The following FGF2 variants were observed in gnomAD, a reference collection of about 807,000 sequenced individuals.
FGF2 encodes the protein basic fibroblast growth factor bFGF.
In FGF2, 13 loss-of-function variants were observed where a neutral mutation model predicts 15.9. The ratio of observed to expected loss-of-function variants is 0.82; its 90% CI spans 0.53 to 1.30. The LOEUF is 1.30. Ranked by LOEUF, FGF2 falls within the 50% of genes most tolerant of loss-of-function variation. The pLI, the probability that FGF2 is intolerant of heterozygous loss-of-function variation, is 0.00. For missense variants in FGF2, 163 were observed against 196.9 expected (o/e 0.83, Z 1.03); for synonymous variants, 90 against 78.4 (o/e 1.15, Z -0.78).
chr4:122,853,719 A>G (rs1726280559), intron 1 of FGF2, among the ~76,000 whole-genome samples: 1 of 152,190 alleles, frequency 6.6e-6, no homozygotes, highest in South Asian at 2.1e-4. Flanking sequence ...TGTTACTGGA[A>G]TGGTGCGAGG....
intron 1 of FGF2, among the ~76,000 whole-genome samples, chr4:122,862,367 G>A (rs765659047): frequency 6.6e-6 from 1 of 152,048 alleles, no homozygotes; most frequent in Non-Finnish European, 1.5e-5. Flanking sequence ...CATCATCCTG[G>A]GGCATATACA....
chr4:122,835,876 T>C (rs80050313), intron 1 of FGF2, among the ~76,000 whole-genome samples: 6,510 of 152,310 alleles, frequency 0.043, 185 homozygotes, highest in Middle Eastern at 0.12. Context: ...TAACGATTAC[T>C]GTCACAATGA....
chr4:122,870,991 T>C (rs529305284), intron 1 of FGF2, among the ~76,000 whole-genome samples: 95 of 152,328 alleles, frequency 6.2e-4, no homozygotes, highest in African/African-American at 2.2e-3. Context: ...AATACTGCTT[T>C]AGCTGTGTCT....
At chr4:122,891,083 C>CA (rs1253349685) in intron 2 of FGF2, among the ~76,000 whole-genome samples, 11 of 148,082 alleles carry the variant, frequency 7.4e-5, no homozygotes, top group Admixed American at 1.4e-4. Context: ...CTGTGTCTCC[C>CA]AGGTTGGAGT....
Position 122,857,219 on chromosome 4 carries a change from C to G in FGF2, c.179-19102C>G, listed in dbSNP as rs183640456. ...GTCCTCAGTGGCAGAGCATTTCTAG[C>G]CTTTCCGTGATGCTCAGATAGTCAG... is the stretch of plus-strand genomic sequence containing the variant. On this transcript the variant is annotated intron_variant, in intron 1 of 2. Transcript: ENST00000644866. Among the ~76,000 whole-genome samples, 794 of 151,508 alleles carry G rather than the reference C, an allele frequency of 5.2e-3. 7 individuals carry two copies. Among genetic ancestry groups the G allele is most frequent in the African/African-American group, 0.019 (766 of 40,938 alleles).
At chr4:122,876,755 A>C (rs1726857136) in intron 2 of FGF2, among the ~76,000 whole-genome samples, 1 of 152,234 alleles carries the variant, frequency 6.6e-6, no homozygotes, top group Non-Finnish European at 1.5e-5. Context: ...TTTGAAGATC[A>C]TTGGGAATAA....
At chr4:122,849,564 A>C (rs1029711913) in intron 1 of FGF2, among the ~76,000 whole-genome samples, 1 of 152,148 alleles carries the variant, frequency 6.6e-6, no homozygotes, top group South Asian at 2.1e-4. Context: ...ACAAACCTGC[A>C]CGTTCTGCAC....
At chr4:122,831,831 A>G (rs926781296) in intron 1 of FGF2, among the ~76,000 whole-genome samples, 2 of 152,212 alleles carry the variant, frequency 1.3e-5, no homozygotes, top group African/African-American at 4.8e-5. Flanking sequence ...AAGTATTCTC[A>G]TTTTGATTTA....
chr4:122,852,991 T>C (rs567563006), intron 1 of FGF2, among the ~76,000 whole-genome samples: 26 of 152,208 alleles, frequency 1.7e-4, no homozygotes, highest in Non-Finnish European at 3.5e-4. Flanking sequence ...TATCTTGCTC[T>C]GCACCATTTA....
rs78817018 is a variant in FGF2, at chr4:122,864,419, G to A, written c.179-11902G>A. Among the ~76,000 whole-genome samples, 312 of 152,310 alleles carry A rather than the reference G, an allele frequency of 2.0e-3. 2 individuals carry two copies. The highest frequency in any genetic ancestry group is 7.2e-3 in the African/African-American group (298 of 41,562). On this transcript the variant is annotated intron_variant, in intron 1 of 2. Transcript: ENST00000644866. The stretch of plus-strand genomic sequence containing the variant: ...GTTCCCTACCCTCAAAAAGCTCACC[G>A]TCAGTTGGTGGGGGACAGACAGGTA...
chr4:122,873,787 ACT>A (rs1467220593), intron 1 of FGF2, among the ~76,000 whole-genome samples: 3 of 152,222 alleles, frequency 2.0e-5, no homozygotes, highest in South Asian at 4.1e-4. Context: ...CTTGTTGTAG[ACT>A]CTGGTTATTT....
At chr4:122,834,399 TC>T (rs1270234470) in intron 1 of FGF2, among the ~76,000 whole-genome samples, 4 of 152,262 alleles carry the variant, frequency 2.6e-5, no homozygotes, top group Admixed American at 6.5e-5. Context: ...TTCTTCTACA[TC>T]ATCTCCTTTT....
chr4:122,840,417 CT>C (rs1725955055), intron 1 of FGF2: 1 of 152,364 alleles, frequency 6.6e-6, no homozygotes, highest in African/African-American at 2.4e-5. Context: ...GTGGCAGGAA[CT>C]GTGCCCGATG....
chr4:122,865,862 C>G (rs560426836), intron 1 of FGF2, among the ~76,000 whole-genome samples: 5 of 152,212 alleles, frequency 3.3e-5, no homozygotes, highest in Admixed American at 6.5e-5. Context: ...TGCCACATAC[C>G]ACATACAAAA....
chr4:122,833,668 AG>A lies in FGF2; in HGVS notation c.178+6317del, dbSNP rs1255400781. Among the ~76,000 whole-genome samples, 72 of 152,290 alleles carry A rather than the reference AG, an allele frequency of 4.7e-4. 1 individual carries two copies. Among genetic ancestry groups the A allele is most frequent in the African/African-American group, 1.7e-3 (71 of 41,556 alleles). ...ACTCAGAGAGTGCTCACTAAATGTC[AG>A]CTGATGAGGAAAACATTCTCTGTGG... On this transcript the variant is annotated intron_variant, in intron 1 of 2. Transcript: ENST00000644866.
rs761725675 is a variant in FGF2 at position 122,826,842 on chromosome 4, G to C, written c.-333G>C. Reference sequence around the variant, plus strand: ...GCGGCCCGGCGGGTGCCAGATTAGCGGACGCGGTGCCCGCGGTTGCAACGG... The same window carrying C: ...GCGGCCCGGCGGGTGCCAGATTAGCCGACGCGGTGCCCGCGGTTGCAACGG... On this transcript the variant is annotated 5_prime_UTR_variant, in exon 1 of 3. Coordinates refer to ENST00000644866, the MANE Select transcript of FGF2 (RefSeq NM_001361665.2). 6.0e-6 allele frequency: 9 copies of C among 1,490,372 alleles called. No individual in the cohort carries two copies. In the East Asian group the frequency reaches 2.0e-4, roughly 32 times the overall value. 92.3% of individuals were successfully genotyped at this position (1,490,372 alleles called of 1,614,324 possible).
At chr4:122,831,861 A>G (rs1725771675) in intron 1 of FGF2, among the ~76,000 whole-genome samples, 1 of 152,228 alleles carries the variant, frequency 6.6e-6, no homozygotes, top group African/African-American at 2.4e-5. Flanking sequence ...TTTATGTGGA[A>G]GGACATAATT....
chr4:122,884,645 T>C (rs1727022413), intron 2 of FGF2: 1 of 152,244 alleles, frequency 6.6e-6, no homozygotes. Flanking sequence ...TTTGGATTCC[T>C]ATTGAGCAAG....
chr4:122,847,606 T>C (rs172621), intron 1 of FGF2, among the ~76,000 whole-genome samples: 17,917 of 74,430 alleles, frequency 0.24, 1,226 homozygotes, highest in South Asian at 0.41. Context: ...GAGATCACTC[T>C]ATCTATCTAT....
Sources: allele counts gnomAD v4.1 joint callset (sites outside exome capture counted in the v4.1 genomes callset), GRCh38; gene constraint gnomAD v4.1.1; transcripts MANE v1.5; gene names NCBI Gene and HGNC (gene_info 2026-07-23, HGNC 2026-07-21).